PTPRD: variants seen among roughly 807,000 people sequenced by gnomAD.
PTPRD encodes receptor-type tyrosine-protein phosphatase delta.
A neutral mutation model predicts 214.5 loss-of-function variants in PTPRD; 34 were observed. The observed-to-expected ratio is 0.16, with a 90% CI of 0.12 to 0.21. The LOEUF is 0.21. Ranked by LOEUF, PTPRD falls within the 10% of genes least tolerant of loss-of-function variation. PTPRD has a pLI of 1.00. For missense variants in PTPRD, 2,545 were observed against 2,398.7 expected (o/e 1.06, Z -1.27); for synonymous variants, 1,128 against 845.7 (o/e 1.33, Z -5.79).
chr9:8,604,611 C>T (rs2095090049), intron 14 of PTPRD, among the ~76,000 whole-genome samples: 1 of 152,016 alleles, frequency 6.6e-6, no homozygotes, highest in Non-Finnish European at 1.5e-5. Flanking sequence ...AAAACCCTTG[C>T]AAAAATCCCC....
intron 7 of PTPRD, among the ~76,000 whole-genome samples, chr9:9,644,949 C>A (rs1245205326): frequency 6.6e-6 from 1 of 152,212 alleles, no homozygotes; most frequent in Non-Finnish European, 1.5e-5. Context: ...TAACCTGATT[C>A]TTCCTGGATG....
At chr9:8,374,173 G>A (rs1171849718) in intron 39 of PTPRD, among the ~76,000 whole-genome samples, 1 of 149,796 alleles carries the variant, frequency 6.7e-6, no homozygotes, top group African/African-American at 2.5e-5. Context: ...TTGCCATTAG[G>A]CATATAAGGG....
intron 3 of PTPRD, among the ~76,000 whole-genome samples, chr9:10,160,439 A>G (rs888959850): frequency 2.6e-5 from 4 of 152,002 alleles, no homozygotes; most frequent in Non-Finnish European, 4.4e-5. Context: ...ATGAATACCA[A>G]TTCTTCTCAA....
intron 2 of PTPRD, among the ~76,000 whole-genome samples, chr9:10,437,803 T>C (rs1343800104): frequency 1.3e-5 from 2 of 151,050 alleles, no homozygotes; most frequent in Non-Finnish European, 3.0e-5. Flanking sequence ...AAATGCTATA[T>C]ATATCTGATA....
chr9:9,951,922 G>A (rs998548129), intron 4 of PTPRD, among the ~76,000 whole-genome samples: 2 of 152,202 alleles, frequency 1.3e-5, no homozygotes, highest in Non-Finnish European at 1.5e-5. Flanking sequence ...GATCTTAATT[G>A]AGTACTTGGG....
intron 2 of PTPRD, among the ~76,000 whole-genome samples, chr9:10,525,362 C>G (rs1335278640): frequency 6.6e-6 from 1 of 152,006 alleles, no homozygotes; most frequent in Non-Finnish European, 1.5e-5. Flanking sequence ...AGAATTTTCA[C>G]CTGCTTAGTG....
intron 4 of PTPRD, among the ~76,000 whole-genome samples, chr9:10,000,414 C>T (rs192565530): frequency 6.6e-6 from 1 of 152,186 alleles, no homozygotes; most frequent in Admixed American, 6.5e-5. Flanking sequence ...GCAAACAGAG[C>T]CCCACATGGA....
rs7875513 is a variant in PTPRD, at chr9:9,986,459, T to C, written c.-472+47259A>G. ...TGATATGACATGTGATTAAGAACTA[T>C]AATTATAAAGTAATATCACTGCTGT... On this transcript the variant is annotated intron_variant, in intron 4 of 45. Transcript: ENST00000381196. Among the ~76,000 whole-genome samples, 1,319 of 152,222 alleles carry C rather than the reference T, an allele frequency of 8.7e-3. 14 individuals carry two copies. Among genetic ancestry groups the C allele is most frequent in the African/African-American group, 0.03 (1,246 of 41,554 alleles).
intron 7 of PTPRD, among the ~76,000 whole-genome samples, chr9:9,606,075 G>A (rs1360416624): frequency 6.6e-6 from 1 of 151,982 alleles, no homozygotes; most frequent in African/African-American, 2.4e-5. Context: ...TTGAAGACTA[G>A]AATGAATTTT....
chr9:9,817,386 T>C (rs1456821947), intron 5 of PTPRD, among the ~76,000 whole-genome samples: 2 of 152,172 alleles, frequency 1.3e-5, no homozygotes, highest in East Asian at 1.9e-4. Flanking sequence ...AGGGATGACT[T>C]TCAACACGAA....
At chr9:9,160,472 A>C (rs2154493686) in intron 10 of PTPRD, among the ~76,000 whole-genome samples, 1 of 152,268 alleles carries the variant, frequency 6.6e-6, no homozygotes, top group African/African-American at 2.4e-5. Flanking sequence ...GAAAATTAAA[A>C]CCAAATGAGA....
At chr9:9,958,268 G>A (rs919694742) in intron 4 of PTPRD, among the ~76,000 whole-genome samples, 1 of 152,158 alleles carries the variant, frequency 6.6e-6, no homozygotes, top group Admixed American at 6.5e-5. Context: ...AGTGGCTCAC[G>A]CCTGTAATCC....
chr9:8,443,017 T>G (rs1590624957), intron 34 of PTPRD, among the ~76,000 whole-genome samples: 1 of 152,210 alleles, frequency 6.6e-6, no homozygotes, highest in African/African-American at 2.4e-5. Flanking sequence ...TTGTGGCACA[T>G]GCCTGTGGTC....
intron 7 of PTPRD, among the ~76,000 whole-genome samples, chr9:9,603,875 G>A (rs1348964822): frequency 1.3e-5 from 2 of 151,744 alleles, no homozygotes; most frequent in Non-Finnish European, 2.9e-5. Context: ...TAGTTTCAGG[G>A]GTACAGGTGC....
chr9:8,497,110 A>G lies in PTPRD; in HGVS notation c.2349+132T>C, dbSNP rs889891443. ...ATAAAAAGTGCACCACACAGTGAAG[A>G]TAACTTAAAAATAATTTGTTAGTTC... On this transcript the variant is annotated intron_variant, in intron 26 of 45. Transcript: ENST00000381196. 8 of 775,616 alleles carry G rather than the reference A, an allele frequency of 1.0e-5. No individual in the cohort carries two copies. The East Asian group carries it at 2.4e-4, about 23-fold the overall frequency. 48.0% of individuals were successfully genotyped at this position (775,616 alleles called of 1,614,324 possible).
intron 14 of PTPRD, among the ~76,000 whole-genome samples, chr9:8,628,739 G>C (rs1384204368): frequency 6.6e-6 from 1 of 151,702 alleles, no homozygotes; most frequent in African/African-American, 2.4e-5. Context: ...GGTACTTCAC[G>C]TATTATCTTT....
chr9:10,585,320 G>T (rs1437796839), intron 2 of PTPRD, among the ~76,000 whole-genome samples: 2 of 151,804 alleles, frequency 1.3e-5, no homozygotes, highest in African/African-American at 4.8e-5. Context: ...ATTGATGAAA[G>T]CCCATATTTA....
chr9:8,389,170 A>G (rs1589283323), intron 37 of PTPRD, 62 bp downstream of exon 37: 1 of 1,413,568 alleles, frequency 7.1e-7, no homozygotes, highest in East Asian at 2.3e-5. Flanking sequence ...AGAATAAAAT[A>G]TGCAACATAG....
intron 3 of PTPRD, among the ~76,000 whole-genome samples, chr9:10,071,511 C>T (rs2098015634): frequency 6.6e-6 from 1 of 152,030 alleles, no homozygotes; most frequent in Non-Finnish European, 1.5e-5. Flanking sequence ...AGTAAAGCCA[C>T]TTCAGTGGAG....
Sources: allele counts gnomAD v4.1 joint callset (sites outside exome capture counted in the v4.1 genomes callset), GRCh38; gene constraint gnomAD v4.1.1; transcripts MANE v1.5; gene names NCBI Gene and HGNC (gene_info 2026-07-23, HGNC 2026-07-21).